Variants in CSMD1 observed in about 807,000 individuals in gnomAD.
CSMD1 encodes CUB and sushi domain-containing protein 1.
In CSMD1, 213 loss-of-function variants were observed where a neutral mutation model predicts 417.5. The ratio of observed to expected loss-of-function variants is 0.51; its 90% confidence interval spans 0.46 to 0.57. The LOEUF (loss-of-function observed/expected upper bound fraction) is 0.57. Among genes scored for constraint, CSMD1 ranks in the 20% least tolerant of loss-of-function variants. The probability of loss-of-function intolerance (pLI) is 0.00; values close to 1 mark genes in which losing one functional copy is unlikely to be tolerated. For synonymous variants in CSMD1, 2,862 were observed against 1,736.8 expected (o/e 1.65, Z -16.11); for missense variants, 6,923 against 4,529.7 (o/e 1.53, Z -15.17).
At chr8:4,123,630 G>A (rs1802605736) in intron 3 of CSMD1, among the ~76,000 whole-genome samples, 1 of 152,074 alleles carries the variant, frequency 6.6e-6, no homozygotes, top group Admixed American at 6.6e-5. Flanking sequence ...TTCCTTTGAT[G>A]ATAACATTGG....
intron 10 of CSMD1, among the ~76,000 whole-genome samples, chr8:3,559,277 C>A (rs867549996): frequency 6.6e-6 from 1 of 152,088 alleles, no homozygotes. Context: ...AATAACTGCC[C>A]TTGGTGTGAA....
chr8:4,569,531 G>A lies in CSMD1; in HGVS notation c.302+67811C>T, dbSNP rs1445068151. Among the ~76,000 whole-genome samples the A allele has an allele frequency of 2.0e-5, 3 of 152,252 alleles. No homozygotes were observed. The South Asian group carries it at 6.2e-4, about 32-fold the overall frequency. On this transcript the variant is annotated intron_variant, in intron 2 of 69. Transcript: ENST00000635120. Reference sequence around the variant, plus strand: ...TCTGTTTTGGTACCAGTACCATGCTGTTTCAGTTACTCTTGTCTTGTAATA... The same window carrying A: ...TCTGTTTTGGTACCAGTACCATGCTATTTCAGTTACTCTTGTCTTGTAATA...
intron 29 of CSMD1, among the ~76,000 whole-genome samples, chr8:3,217,234 A>C (rs1797932691): frequency 6.6e-6 from 1 of 152,256 alleles, no homozygotes; most frequent in Non-Finnish European, 1.5e-5. Context: ...ATGCAATGGC[A>C]TCATTCCTAT....
chr8:3,503,840 C>T (rs146612136), intron 10 of CSMD1, among the ~76,000 whole-genome samples: 2 of 146,708 alleles, frequency 1.4e-5, no homozygotes, highest in African/African-American at 2.5e-5. Flanking sequence ...CTTGCCCCCC[C>T]CCAACCCCCA....
intron 26 of CSMD1, among the ~76,000 whole-genome samples, chr8:3,254,209 C>A (rs1032180806): frequency 2.2e-4 from 34 of 152,204 alleles, no homozygotes; most frequent in African/African-American, 8.2e-4. Flanking sequence ...GGCCCCCACT[C>A]TCTTCTGGCT....
At chr8:4,575,820 G>T (rs1338410879) in intron 2 of CSMD1, among the ~76,000 whole-genome samples, 1 of 152,112 alleles carries the variant, frequency 6.6e-6, no homozygotes, top group Non-Finnish European at 1.5e-5. Flanking sequence ...GTCTGAGGTC[G>T]CAATGTCCTT....
At chr8:3,403,405 C>T (rs1016807352) in intron 15 of CSMD1, among the ~76,000 whole-genome samples, 1 of 152,190 alleles carries the variant, frequency 6.6e-6, no homozygotes, top group East Asian at 1.9e-4. Flanking sequence ...TCGGAGCGTC[C>T]CCTACCTTCT....
chr8:3,731,158 T>A (rs2623693), intron 6 of CSMD1, among the ~76,000 whole-genome samples: 11,593 of 152,238 alleles, frequency 0.076, 1,078 homozygotes, highest in African/African-American at 0.22. Flanking sequence ...GTATGTCTGT[T>A]AACACTTCCA....
chr8:3,551,857 G>A (rs184484736), intron 10 of CSMD1, among the ~76,000 whole-genome samples: 1 of 152,146 alleles, frequency 6.6e-6, no homozygotes, highest in African/African-American at 2.4e-5. Flanking sequence ...TGAAAGATGA[G>A]GCTGCCACTG....
intron 27 of CSMD1, among the ~76,000 whole-genome samples, chr8:3,226,682 G>C (rs1307173266): frequency 6.6e-6 from 1 of 151,252 alleles, no homozygotes; most frequent in East Asian, 2.0e-4. Flanking sequence ...CATGGTAGAA[G>C]TCATTTCGGA....
chr8:4,755,371 C>T (rs1161742126), intron 1 of CSMD1, among the ~76,000 whole-genome samples: 1 of 152,258 alleles, frequency 6.6e-6, no homozygotes, highest in African/African-American at 2.4e-5. Flanking sequence ...TTAGCTATAA[C>T]CTTCAAAGTG....
chr8:2,961,673 C>T (rs1254066882), intron 61 of CSMD1, among the ~76,000 whole-genome samples: 1 of 152,086 alleles, frequency 6.6e-6, no homozygotes, highest in Non-Finnish European at 1.5e-5. Flanking sequence ...ATAATGGAAC[C>T]ACATGGAAAA....
intron 5 of CSMD1, among the ~76,000 whole-genome samples, chr8:3,772,167 C>CATAAAT (rs1798607154): frequency 2.2e-5 from 1 of 44,874 alleles, no homozygotes. Flanking sequence ...GAAAGGGCAA[C>CATAAAT]ATATATATAT....
intron 25 of CSMD1, among the ~76,000 whole-genome samples, chr8:3,300,738 T>C (rs375241030): frequency 2.0e-5 from 3 of 151,734 alleles, no homozygotes; most frequent in Admixed American, 6.6e-5. Flanking sequence ...GGGCAGATCA[T>C]TGGAGGTCAG....
chr8:4,533,254 G>T (rs1200211167), intron 2 of CSMD1, among the ~76,000 whole-genome samples: 1 of 152,182 alleles, frequency 6.6e-6, no homozygotes, highest in African/African-American at 2.4e-5. Flanking sequence ...GCAAGACTTT[G>T]GTAGAGACGG....
chr8:3,312,276 T>C (rs1358416520), intron 23 of CSMD1, among the ~76,000 whole-genome samples: 1 of 152,214 alleles, frequency 6.6e-6, no homozygotes, highest in East Asian at 1.9e-4. Flanking sequence ...GCCAAGTTAT[T>C]TATGGCAGCG....
At chr8:4,798,066 G>C (rs144478272) in intron 1 of CSMD1, among the ~76,000 whole-genome samples, 12 of 152,176 alleles carry the variant, frequency 7.9e-5, no homozygotes, top group Non-Finnish European at 1.3e-4. Flanking sequence ...ACAACGTGCA[G>C]GTTTCTTAAG....
chr8:4,763,213 T>C (rs1378221720), intron 1 of CSMD1, among the ~76,000 whole-genome samples: 5 of 152,212 alleles, frequency 3.3e-5, no homozygotes, highest in Non-Finnish European at 7.3e-5. Flanking sequence ...TTCAAAACTG[T>C]TATTCCGTGT....
intron 3 of CSMD1, among the ~76,000 whole-genome samples, chr8:4,223,240 T>C (rs957683842): frequency 6.6e-6 from 1 of 152,040 alleles, no homozygotes; most frequent in Non-Finnish European, 1.5e-5. Flanking sequence ...TTCTTGAACA[T>C]TTATCTTTTT....
Sources: allele counts gnomAD v4.1 joint callset (sites outside exome capture counted in the v4.1 genomes callset), GRCh38; gene constraint gnomAD v4.1.1; transcripts MANE v1.5; gene names NCBI Gene and HGNC (gene_info 2026-07-23, HGNC 2026-07-21).